COL4A3: variants seen among roughly 807,000 people sequenced by gnomAD.
COL4A3 encodes the protein collagen alpha-3(IV) chain.
Under a neutral mutation model 217.4 loss-of-function variants are expected in COL4A3, and 135 were observed. The observed-to-expected ratio is 0.62, with a 90% CI of 0.54 to 0.72. The LOEUF is 0.72. Among genes scored for constraint, COL4A3 ranks in the 30% least tolerant of loss-of-function variants. COL4A3 has a pLI of 0.00. For missense variants in COL4A3, 1,868 were observed against 2,119.9 expected (o/e 0.88, Z 2.33); for synonymous variants, 690 against 736.3 (o/e 0.94, Z 1.02).
At chr2:227,246,837 G>C in intron 7 of COL4A3, 99 bp downstream of exon 7, 1 of 1,008,528 alleles carries the variant, frequency 9.9e-7, no homozygotes, top group Non-Finnish European at 1.6e-6. Context: ...TGACTTTAGG[G>C]AAGTCTGGGG....
chr2:227,261,249 G>A (rs2070544250), intron 20 of COL4A3, 132 bp downstream of exon 20: 1 of 818,324 alleles, frequency 1.2e-6, no homozygotes, highest in Admixed American at 2.5e-5. Context: ...TCCAGGCTGG[G>A]TTCAATGGCT....
chr2:227,249,230 A>ATATATTTTTTTTTTT, intron 9 of COL4A3, among the ~76,000 whole-genome samples: 1 of 14,692 alleles, frequency 6.8e-5, no homozygotes, highest in African/African-American at 2.7e-4. Flanking sequence ...ATATATATAT[A>ATATATTTTTTTTTTT]TTTTTTTTTT....
At chr2:227,304,352 T>C (rs2073415296) in intron 46 of COL4A3, 5 of 608,558 alleles carry the variant, frequency 8.2e-6, no homozygotes, top group South Asian at 7.9e-5. Flanking sequence ...GTTCATAGTA[T>C]AACTTGAACA....
chr2:227,236,185 C>A (rs924561726), intron 1 of COL4A3, among the ~76,000 whole-genome samples: 1 of 152,072 alleles, frequency 6.6e-6, no homozygotes, highest in Non-Finnish European at 1.5e-5. Flanking sequence ...TTTGCAATTG[C>A]GAATAGTCCT....
rs1404655465 is a variant in COL4A3 at position 227,203,451 on chromosome 2, A to C, written c.88-34517A>C. On this transcript the variant is annotated intron_variant, in intron 1 of 51. Coordinates refer to ENST00000396578, the MANE Select transcript of COL4A3 (RefSeq NM_000091.5). The stretch of plus-strand genomic sequence containing the variant: ...CATATATGTGTGTATATGTGTATAC[A>C]TACATATATGTGTGTATATATGTGT... Among the ~76,000 whole-genome samples the C allele has an allele frequency of 7.6e-5, 4 of 52,754 alleles. 1 individual carries two copies. Among genetic ancestry groups the C allele is most frequent in the Non-Finnish European group, 1.3e-4 (4 of 29,962 alleles). 34.6% of individuals were successfully genotyped at this position (52,754 alleles called of 152,430 possible).
rs2069647354 is a variant in COL4A3, at chr2:227,250,220, G to C, written c.547-920G>C. On this transcript the variant is annotated intron_variant, in intron 9 of 51. Coordinates refer to ENST00000396578, the MANE Select transcript of COL4A3 (RefSeq NM_000091.5). This position sits in a 1 kb window ranked among gnomAD's most constrained non-coding sequence, Gnocchi z 4.1. ...TCCAGCTACTTGGGAGGCTGAGGCA[G>C]GAGAATCACTTGAACCCGGGAGGCA... is the stretch of plus-strand genomic sequence containing the variant. Among the ~76,000 whole-genome samples, 1 of 152,064 alleles carries C rather than the reference G, an allele frequency of 6.6e-6. No homozygotes were observed. The highest frequency in any genetic ancestry group is 1.5e-5 in the Non-Finnish European group (1 of 68,020).
chr2:227,222,122 C>CTAATAATAATAA lies in COL4A3; in HGVS notation c.88-15814_88-15803dup, dbSNP rs367763401. 2.2e-3 allele frequency among the ~76,000 whole-genome samples: 231 copies of CTAATAATAATAA among 105,268 alleles called. 1 individual carries two copies. Among genetic ancestry groups the CTAATAATAATAA allele is most frequent in the Middle Eastern group, 0.013 (3 of 240 alleles). The allele number at this position is 105,268 out of a possible 152,430, so 69.1% of individuals were successfully genotyped here. On this transcript the variant is annotated intron_variant, in intron 1 of 51. Transcript: ENST00000396578. Reference sequence around the variant, plus strand: ...TGGACAACATACGGAGACACTGTCTCTAATAATAATAATAATAATAATAAT... The same window carrying CTAATAATAATAA: ...TGGACAACATACGGAGACACTGTCTCTAATAATAATAATAATAATAATAATAATAATAATAAT...
In COL4A3 at chr2:227,307,824, C is replaced by A. The variant is rs768112443; in HGVS notation, c.4367C>A (p.Ala1456Glu). The A allele has an allele frequency of 2.5e-6, 4 of 1,614,150 alleles. No individual in the cohort carries two copies. Among genetic ancestry groups the A allele is most frequent in the East Asian group, 2.2e-5 (1 of 44,886 alleles). The change falls in exon 48 of 52, where the codon GCA becomes GAA. Residue 1456 changes from alanine (A) to glutamate (E), a missense_variant. Around this residue, in one of 2 missense-constraint regions of COL4A3, gnomAD observed 1,503 missense variants for 1,786.1 expected, o/e 0.84. Coordinates refer to ENST00000396578, the MANE Select transcript of COL4A3 (RefSeq NM_000091.5). ...FVFTRHSQTT[A>E]IPSCPEGTVP... The stretch of plus-strand genomic sequence containing the variant: ...TTCACCCGACACAGTCAAACCACAG[C>A]AATTCCTTCATGTCCAGAGGGGACA...
chr2:227,228,986 A>C (rs913265686), intron 1 of COL4A3, among the ~76,000 whole-genome samples: 1 of 151,952 alleles, frequency 6.6e-6, no homozygotes, highest in Non-Finnish European at 1.5e-5. Context: ...AACCAATCTG[A>C]CCCCATTTCA....
chr2:227,234,409 G>A (rs1401001519), intron 1 of COL4A3, among the ~76,000 whole-genome samples: 1 of 152,130 alleles, frequency 6.6e-6, no homozygotes, highest in Non-Finnish European at 1.5e-5. Flanking sequence ...AAAGCCTCTG[G>A]TTCCATTTTT....
chr2:227,249,412 T>C (rs1298714440), intron 9 of COL4A3, among the ~76,000 whole-genome samples: 2 of 149,586 alleles, frequency 1.3e-5, no homozygotes, highest in African/African-American at 4.9e-5. Flanking sequence ...ATTTTTGTAT[T>C]TTTAGTAGAG....
At chr2:227,299,393 AAAAC>A (rs146886880) in intron 43 of COL4A3, among the ~76,000 whole-genome samples, 11,238 of 152,024 alleles carry the variant, frequency 0.074, 565 homozygotes, top group East Asian at 0.25. Context: ...AGACTCCGTC[AAAAC>A]AAACAAACAA....
chr2:227,209,634 G>T (rs187694181), intron 1 of COL4A3, among the ~76,000 whole-genome samples: 70 of 152,292 alleles, frequency 4.6e-4, no homozygotes, highest in Admixed American at 4.2e-3. Flanking sequence ...GAAATCAGGA[G>T]TTCGAGACCA....
At chr2:227,201,030 T>C (rs2066665968) in intron 1 of COL4A3, among the ~76,000 whole-genome samples, 1 of 152,254 alleles carries the variant, frequency 6.6e-6, no homozygotes, top group Admixed American at 6.5e-5. Context: ...TATTCACATT[T>C]AATTTTAATG....
At chr2:227,283,644 A>T in intron 32 of COL4A3, 123 bp from the exon 33 acceptor site, 1 of 816,734 alleles carries the variant, frequency 1.2e-6, no homozygotes, top group Non-Finnish European at 2.1e-6. Flanking sequence ...TGTACTATGT[A>T]CAGAGGCCAT....
At chr2:227,205,869 TGTC>T (rs2067080985) in intron 1 of COL4A3, among the ~76,000 whole-genome samples, 1 of 150,788 alleles carries the variant, frequency 6.6e-6, no homozygotes, top group Admixed American at 6.6e-5. Flanking sequence ...TGATGCCAAA[TGTC>T]GTAAGAGCAG....
intron 1 of COL4A3, among the ~76,000 whole-genome samples, chr2:227,226,335 T>C (rs2068089517): frequency 6.6e-6 from 1 of 151,980 alleles, no homozygotes; most frequent in Admixed American, 6.6e-5. Context: ...AGAAGCACAG[T>C]GGGAGAAGGG....
rs751236477 is a variant in COL4A3 at position 227,254,107 on chromosome 2, G to C, written c.766-5G>C. 2 of 1,613,432 alleles carry C rather than the reference G, an allele frequency of 1.2e-6. No individual in the cohort carries two copies. The highest frequency in any genetic ancestry group is 3.3e-5 in the Admixed American group (2 of 60,004). On this transcript the variant is annotated splice_region_variant and splice_polypyrimidine_tract_variant and intron_variant, in intron 13 of 51. Coordinates refer to ENST00000396578, the MANE Select transcript of COL4A3 (RefSeq NM_000091.5). ...TGTAACAATGTTGAACTGTTTCTTT[G>C]GCAGGACCTCAAGGGGGAAAAGGGA...
At chr2:227,280,042 G>A (rs1209681054) in intron 29 of COL4A3, 152 bp downstream of exon 29, 7 of 622,692 alleles carry the variant, frequency 1.1e-5, no homozygotes, top group Non-Finnish European at 2.0e-5. Context: ...ATGTTTCTCT[G>A]GATCATCTTC....
Sources: gnomAD v4.1 joint callset for allele counts (sites outside exome capture counted in the v4.1 genomes callset) on GRCh38, gnomAD v4.1.1 for gene constraint, gnomAD v4.1.1 regional missense constraint, Gnocchi (gnomAD v3.1) non-coding constraint, MANE v1.5 for transcripts, NCBI Gene and HGNC (gene_info 2026-07-23, HGNC 2026-07-21) for gene names.